The following KATNAL2 variants were observed in gnomAD, a reference collection of about 807,000 sequenced individuals.
KATNAL2 encodes the protein katanin p60 ATPase-containing subunit A-like 2.
In KATNAL2, 52 loss-of-function variants were observed where a neutral mutation model predicts 76.3. The ratio of observed to expected loss-of-function variants is 0.68; its 90% confidence interval spans 0.55 to 0.86. The LOEUF (loss-of-function observed/expected upper bound fraction) is 0.86, where lower values mean the gene tolerates loss of function less well. Among genes scored for constraint, KATNAL2 ranks in the 40% least tolerant of loss-of-function variants. The probability of loss-of-function intolerance (pLI) is 0.00; values close to 1 mark genes in which losing one functional copy is unlikely to be tolerated. For synonymous variants in KATNAL2, 243 were observed against 244.2 expected (o/e 1.00, Z 0.05); for missense variants, 660 against 668.9 (o/e 0.99, Z 0.15).
intron 1 of KATNAL2, among the ~76,000 whole-genome samples, chr18:46,934,774 G>A (rs1292176422): frequency 6.6e-6 from 1 of 152,054 alleles, no homozygotes; most frequent in Non-Finnish European, 1.5e-5. Flanking sequence ...GGGTTTTTAT[G>A]GTTTTGGGTC....
At chr18:47,100,755 T>A in intron 17 of KATNAL2, 111 bp from the exon 18 acceptor site, 1 of 1,322,122 alleles carries the variant, frequency 7.6e-7, no homozygotes. Flanking sequence ...GCATTAACAA[T>A]TAAGAATGCT....
At chr18:47,045,440 C>T (rs1325071929) in intron 3 of KATNAL2, among the ~76,000 whole-genome samples, 2 of 151,794 alleles carry the variant, frequency 1.3e-5, no homozygotes, top group Non-Finnish European at 2.9e-5. Flanking sequence ...GTTCTCATGC[C>T]TCAGCCTCTC....
chr18:47,033,960 T>C, intron 3 of KATNAL2: 4 of 1,613,236 alleles, frequency 2.5e-6, no homozygotes, highest in Non-Finnish European at 3.4e-6. Flanking sequence ...CTGACTGGCT[T>C]TCCTGGACAG....
intron 3 of KATNAL2, among the ~76,000 whole-genome samples, chr18:46,950,185 T>C (rs994707905): frequency 2.6e-5 from 4 of 152,240 alleles, no homozygotes; most frequent in African/African-American, 9.7e-5. Context: ...TAACAGATAA[T>C]ATAAATTTCT....
chr18:47,043,227 A>AG (rs2061028402), intron 3 of KATNAL2, among the ~76,000 whole-genome samples: 1 of 127,406 alleles, frequency 7.8e-6, no homozygotes, highest in African/African-American at 2.9e-5. Context: ...ACTCCGTTTC[A>AG]AAAAAAAAAA....
chr18:47,038,704 G>A (rs533336865), intron 3 of KATNAL2, among the ~76,000 whole-genome samples: 1 of 152,160 alleles, frequency 6.6e-6, no homozygotes, highest in African/African-American at 2.4e-5. Flanking sequence ...AAAAATAGCT[G>A]CACTTTAAAA....
At chr18:46,952,616 A>T (rs1007122263) in intron 3 of KATNAL2, among the ~76,000 whole-genome samples, 2 of 151,590 alleles carry the variant, frequency 1.3e-5, no homozygotes, top group African/African-American at 4.8e-5. Context: ...GGTCAGGCTG[A>T]TCTCGAACTC....
At chr18:46,960,472 A>C (rs1284462217) in intron 3 of KATNAL2, among the ~76,000 whole-genome samples, 1 of 152,004 alleles carries the variant, frequency 6.6e-6, no homozygotes, top group Non-Finnish European at 1.5e-5. Context: ...ATGAAGCGAT[A>C]GAGATTGGAG....
At chr18:47,052,062 T>C (rs2061355189) in intron 4 of KATNAL2, among the ~76,000 whole-genome samples, 1 of 152,246 alleles carries the variant, frequency 6.6e-6, no homozygotes, top group Admixed American at 6.5e-5. Context: ...TATGCTAATT[T>C]GCACATGTGC....
At chr18:47,034,367 C>G in intron 3 of KATNAL2, 2 of 1,614,042 alleles carry the variant, frequency 1.2e-6, no homozygotes, top group Admixed American at 3.3e-5. Flanking sequence ...CTGTCTGGAG[C>G]CTCCTCCAAG....
intron 3 of KATNAL2, among the ~76,000 whole-genome samples, chr18:46,958,410 T>C (rs1001190239): frequency 1.6e-4 from 25 of 152,154 alleles, no homozygotes; most frequent in African/African-American, 5.8e-4. Context: ...TAGTACAAAA[T>C]AATCTAGTAA....
chr18:47,044,557 G>A (rs2061085594), intron 3 of KATNAL2, among the ~76,000 whole-genome samples: 3 of 151,888 alleles, frequency 2.0e-5, no homozygotes, highest in South Asian at 2.1e-4. Flanking sequence ...TCAGGAGTTC[G>A]AGACCAGCCT....
At chr18:46,920,132 G>C (rs1235436527) in intron 1 of KATNAL2, 2 of 1,276,502 alleles carry the variant, frequency 1.6e-6, no homozygotes, top group Admixed American at 4.6e-5. Context: ...TCCTGGATGG[G>C]TTGGGTAGGT....
chr18:47,087,721 A>C (rs1401421545), intron 15 of KATNAL2, among the ~76,000 whole-genome samples: 10 of 151,450 alleles, frequency 6.6e-5, no homozygotes, highest in African/African-American at 2.2e-4. Flanking sequence ...ACCATGGAAA[A>C]TGATGTAAGT....
chr18:46,927,211 A>G (rs1225923554), intron 1 of KATNAL2, among the ~76,000 whole-genome samples: 4 of 152,160 alleles, frequency 2.6e-5, no homozygotes, highest in Non-Finnish European at 5.9e-5. Flanking sequence ...ATGTTTTTGC[A>G]GTGGCTGGTA....
intron 13 of KATNAL2, among the ~76,000 whole-genome samples, chr18:47,071,865 T>G (rs2062013200): frequency 7.3e-6 from 1 of 136,400 alleles, no homozygotes; most frequent in South Asian, 2.2e-4. Context: ...ATTCTAAGAG[T>G]GAAGAAAAGT....
intron 3 of KATNAL2, among the ~76,000 whole-genome samples, chr18:47,038,758 A>T (rs1307598276): frequency 1.3e-5 from 2 of 152,246 alleles, no homozygotes; most frequent in African/African-American, 2.4e-5. Flanking sequence ...TGTACCAAAA[A>T]ACTGAAGAAG....
At position 47,099,358 on chromosome 18, in the gene KATNAL2, AGGGCCTTGG is replaced by A. The variant is rs2063376911; in HGVS notation, c.1328_1336del (p.Arg443_Glu446delinsLys). 6.2e-7 allele frequency: 1 copy of A among 1,613,950 alleles called. No individual in the cohort carries two copies. The highest frequency in any genetic ancestry group is 1.1e-5 in the South Asian group (1 of 91,078). ...CTGGCTGCCTCCTGTGAGCAAGAGC[AGGGCCTTGG>A]AGCTGCACACAGAGCTGGAGTACAG... is the stretch of plus-strand genomic sequence containing the variant. On this transcript the variant is annotated inframe_deletion, in exon 16 of 18. Transcript: ENST00000683218.
chr18:47,093,300 T>G (rs1036947278), intron 15 of KATNAL2, among the ~76,000 whole-genome samples: 2 of 152,194 alleles, frequency 1.3e-5, no homozygotes, highest in African/African-American at 4.8e-5. Flanking sequence ...AGTTAAGCAT[T>G]TGCTTTTATT....
Sources: gnomAD v4.1 joint callset for allele counts (sites outside exome capture counted in the v4.1 genomes callset) on GRCh38, gnomAD v4.1.1 for gene constraint, MANE v1.5 for transcripts, NCBI Gene and HGNC (gene_info 2026-07-23, HGNC 2026-07-21) for gene names.